Variants in SPINK13 observed in about 807,000 individuals in gnomAD.
SPINK13 encodes serine peptidase inhibitor Kazal type 13.
In SPINK13, 11 loss-of-function variants were observed where a neutral mutation model predicts 11.0. That is an observed-to-expected ratio of 1.00 (90% CI 0.63 to 1.65). The LOEUF is 1.65. Ranked by LOEUF, SPINK13 falls within the 40% of genes most tolerant of loss-of-function variation. The probability of loss-of-function intolerance (pLI) is 0.00; values close to 1 mark genes in which losing one functional copy is unlikely to be tolerated. For missense variants in SPINK13, 113 were observed against 117.7 expected, an observed-to-expected ratio of 0.96 and a Z score of 0.19; for synonymous variants, 31 against 35.6, an observed-to-expected ratio of 0.87 and a Z score of 0.46.
intron 3 of SPINK13, among the ~76,000 whole-genome samples, chr5:148,274,711 C>T (rs1466777993): frequency 6.6e-6 from 1 of 152,160 alleles, no homozygotes. Context: ...CACTACTGCA[C>T]TCCAGCCTGG....
intron 2 of SPINK13, among the ~76,000 whole-genome samples, chr5:148,271,228 G>A (rs1008630937): frequency 6.6e-6 from 1 of 152,092 alleles, no homozygotes; most frequent in African/African-American, 2.4e-5. Flanking sequence ...GCTATGTGTA[G>A]GTTCTCTGTG....
chr5:148,272,300 A>AT (rs1756362795), intron 2 of SPINK13, among the ~76,000 whole-genome samples: 3 of 152,214 alleles, frequency 2.0e-5, no homozygotes, highest in African/African-American at 7.2e-5. Flanking sequence ...ATAGAAGATA[A>AT]TGCCAGATGG....
chr5:148,282,241 G>A lies in SPINK13; in HGVS notation c.236+10G>A, dbSNP rs1251567246. ...TTTGTGTTGAACAGAGGTAAGTTCAGAATAAAATGCCATTATTTTTTCCCT... is the reference window on the plus strand; with the variant it reads ...TTTGTGTTGAACAGAGGTAAGTTCAAAATAAAATGCCATTATTTTTTCCCT... On this transcript the variant is annotated intron_variant, in intron 4 of 4. Transcript: ENST00000398450. 9.9e-6 allele frequency: 16 copies of A among 1,613,176 alleles called. No individual in the cohort carries two copies. Among genetic ancestry groups the A allele is most frequent in the Non-Finnish European group, 1.3e-5 (15 of 1,179,532 alleles).
At chr5:148,278,988 T>C (rs569164364) in intron 3 of SPINK13, among the ~76,000 whole-genome samples, 88 of 152,314 alleles carry the variant, frequency 5.8e-4, no homozygotes, top group African/African-American at 1.5e-3. Flanking sequence ...TAGCTCTTCT[T>C]GTTGTATTGA....
chr5:148,268,909 C>G (rs1756305343), intron 1 of SPINK13, 21 bp downstream of exon 1: 1 of 152,690 alleles, frequency 6.5e-6, no homozygotes, highest in South Asian at 2.1e-4. Flanking sequence ...TTTGACTTCT[C>G]TCTCCTTAGT....
At position 148,283,905 on chromosome 5, in the gene SPINK13, C is replaced by A. The variant is rs116191921; in HGVS notation, c.236+1674C>A. On this transcript the variant is annotated intron_variant, in intron 4 of 4. Coordinates refer to ENST00000398450, the MANE Select transcript of SPINK13 (RefSeq NM_001040129.3). ...AATCACATAGATTCAAACAGACACA[C>A]AATGTGGGCCGTGATCTGCCGGACT... 5.0e-3 allele frequency among the ~76,000 whole-genome samples: 768 copies of A among 152,272 alleles called. 8 individuals carry two copies. Among genetic ancestry groups the A allele is most frequent in the African/African-American group, 0.018 (730 of 41,556 alleles).
rs527792668 is a variant in SPINK13 at position 148,286,218 on chromosome 5, C to T, written c.*170C>T. 5 of 372,894 alleles carry T rather than the reference C, an allele frequency of 1.3e-5. No individual in the cohort carries two copies. Among genetic ancestry groups the T allele is most frequent in the South Asian group, 6.9e-5 (1 of 14,578 alleles). The allele number at this position is 372,894 out of a possible 1,614,324, so 23.1% of individuals were successfully genotyped here. On this transcript the variant is annotated 3_prime_UTR_variant, in exon 5 of 5. Transcript: ENST00000398450. ...TCAAACTGACAAGAACCAAATATCA[C>T]ATTTGTTACAAATAAACAACAAAAG... is the stretch of plus-strand genomic sequence containing the variant.
At chr5:148,277,601 G>A (rs879009878) in intron 3 of SPINK13, among the ~76,000 whole-genome samples, 9 of 152,098 alleles carry the variant, frequency 5.9e-5, no homozygotes, top group South Asian at 2.1e-4. Flanking sequence ...TATGTTAAAC[G>A]AACGTTGCAT....
intron 2 of SPINK13, among the ~76,000 whole-genome samples, chr5:148,273,359 G>T (rs1756378359): frequency 6.6e-6 from 1 of 151,856 alleles, no homozygotes; most frequent in Admixed American, 6.6e-5. Context: ...GATGAAAAAG[G>T]AATTATGTCA....
At chr5:148,273,180 A>AT (rs1166383851) in intron 2 of SPINK13, among the ~76,000 whole-genome samples, 2 of 151,552 alleles carry the variant, frequency 1.3e-5, no homozygotes, top group African/African-American at 2.4e-5. Flanking sequence ...TAGGTTTCTT[A>AT]TTTTTTTCTT....
At chr5:148,281,403 G>A (rs538336817) in intron 3 of SPINK13, among the ~76,000 whole-genome samples, 4 of 152,304 alleles carry the variant, frequency 2.6e-5, no homozygotes, top group African/African-American at 9.6e-5. Flanking sequence ...TGAAACCCAG[G>A]GCCCTGGTGG....
chr5:148,277,068 C>T (rs1296017218), intron 3 of SPINK13, among the ~76,000 whole-genome samples: 9 of 152,136 alleles, frequency 5.9e-5, no homozygotes, highest in Admixed American at 5.2e-4. Flanking sequence ...CATGATTTGG[C>T]TCTCTGTTTG....
At chr5:148,273,745 A>ATGT (rs1419062630) in intron 2 of SPINK13, among the ~76,000 whole-genome samples, 1 of 152,256 alleles carries the variant, frequency 6.6e-6, no homozygotes, top group African/African-American at 2.4e-5. Context: ...TATTTTAAAT[A>ATGT]TCACTTAACA....
chr5:148,270,031 T>A lies in SPINK13; in HGVS notation c.-33-9T>A. On this transcript the variant is annotated splice_polypyrimidine_tract_variant and intron_variant, in intron 1 of 4. Transcript: ENST00000398450. ...GGGAAACTAAAAACAATCTTGGGCA[T>A]GTTCACAGGCCTTATCAAAGAAGAG... is the stretch of plus-strand genomic sequence containing the variant. 6.3e-7 allele frequency: 1 copy of A among 1,597,486 alleles called. No individual in the cohort carries two copies. Among genetic ancestry groups the A allele is most frequent in the Non-Finnish European group, 8.6e-7 (1 of 1,166,580 alleles).
At chr5:148,276,443 A>T (rs1331077796) in intron 3 of SPINK13, among the ~76,000 whole-genome samples, 1 of 152,164 alleles carries the variant, frequency 6.6e-6, no homozygotes, top group Non-Finnish European at 1.5e-5. Flanking sequence ...CTTGCATTTA[A>T]ATCTTTAATC....
At chr5:148,283,727 T>G (rs973089525) in intron 4 of SPINK13, among the ~76,000 whole-genome samples, 1 of 152,162 alleles carries the variant, frequency 6.6e-6, no homozygotes, top group African/African-American at 2.4e-5. Context: ...TTACTGTTGA[T>G]TTCTTAGAAA....
chr5:148,279,686 G>A lies in SPINK13; in HGVS notation c.109-2418G>A, dbSNP rs548471241. 2.6e-5 allele frequency among the ~76,000 whole-genome samples: 4 copies of A among 152,226 alleles called. No individual in the cohort carries two copies. In the South Asian group the frequency reaches 8.3e-4, roughly 32 times the overall value. On this transcript the variant is annotated intron_variant, in intron 3 of 4. Coordinates refer to ENST00000398450, the MANE Select transcript of SPINK13 (RefSeq NM_001040129.3). ...ATGGGCTTCTTTCCATGGGTAAACC[G>A]ACCTTTCTCTCTGGTTGCCCTTAAC...
intron 2 of SPINK13, among the ~76,000 whole-genome samples, chr5:148,273,958 G>A (rs886838234): frequency 2.0e-5 from 3 of 152,024 alleles, no homozygotes; most frequent in African/African-American, 7.2e-5. Context: ...GTAGGAACTG[G>A]CCTGATACAT....
At chr5:148,278,590 T>G (rs143267422) in intron 3 of SPINK13, among the ~76,000 whole-genome samples, 4,576 of 152,312 alleles carry the variant, frequency 0.03, 217 homozygotes, top group African/African-American at 0.1. Context: ...TTGAGTGAGT[T>G]TCTTAATCCT....
Sources: gnomAD v4.1 joint callset for allele counts (sites outside exome capture counted in the v4.1 genomes callset) on GRCh38, gnomAD v4.1.1 for gene constraint, MANE v1.5 for transcripts, NCBI Gene and HGNC (gene_info 2026-07-23, HGNC 2026-07-21) for gene names.